JAZF1: variants seen among roughly 807,000 people sequenced by gnomAD.
JAZF1 encodes the protein JAZF zinc finger 1.
A neutral mutation model predicts 26.4 loss-of-function variants in JAZF1; 8 were observed. The ratio of observed to expected loss-of-function variants is 0.30; its 90% CI spans 0.18 to 0.55. JAZF1 has a LOEUF of 0.55. Ranked by LOEUF, JAZF1 falls within the 20% of genes least tolerant of loss-of-function variation. The pLI, the probability that JAZF1 is intolerant of heterozygous loss-of-function variation, is 0.94. For missense variants in JAZF1, 199 were observed against 322.0 expected, an observed-to-expected ratio of 0.62 and a Z score of 2.92; for synonymous variants, 126 against 122.3, an observed-to-expected ratio of 1.03 and a Z score of -0.20.
At chr7:27,919,463 C>T (rs1784494557) in intron 2 of JAZF1, among the ~76,000 whole-genome samples, 1 of 152,110 alleles carries the variant, frequency 6.6e-6, no homozygotes, top group African/African-American at 2.4e-5. Flanking sequence ...CAAAGGTAAA[C>T]GGAAAATGCA....
chr7:28,139,674 C>T (rs1782934048), intron 1 of JAZF1, among the ~76,000 whole-genome samples: 1 of 152,204 alleles, frequency 6.6e-6, no homozygotes, highest in Non-Finnish European at 1.5e-5. Context: ...CCTACTGTAT[C>T]AGCCACTCAG....
intron 3 of JAZF1, among the ~76,000 whole-genome samples, chr7:27,868,124 G>A (rs1783511824): frequency 6.6e-6 from 1 of 152,194 alleles, no homozygotes; most frequent in Non-Finnish European, 1.5e-5. Context: ...ACGGTGCTTG[G>A]ATCAGTGCCT....
At chr7:27,850,981 T>G (rs1783137168) in intron 3 of JAZF1, among the ~76,000 whole-genome samples, 1 of 152,360 alleles carries the variant, frequency 6.6e-6, no homozygotes, top group Admixed American at 6.5e-5. Context: ...TCACTCTTGT[T>G]GCCCAGACTG....
chr7:27,834,273 G>A (rs1014773401), intron 4 of JAZF1, among the ~76,000 whole-genome samples: 1 of 152,194 alleles, frequency 6.6e-6, no homozygotes, highest in Non-Finnish European at 1.5e-5. Flanking sequence ...CGCCTCACTA[G>A]TCTGGAAGAA....
intron 2 of JAZF1, among the ~76,000 whole-genome samples, chr7:27,968,449 G>T (rs1785316239): frequency 6.6e-6 from 1 of 152,164 alleles, no homozygotes; most frequent in African/African-American, 2.4e-5. Flanking sequence ...AAGGGTGTTT[G>T]TGCCTAGGAA....
chr7:27,864,895 A>G (rs1307635646), intron 3 of JAZF1, among the ~76,000 whole-genome samples: 1 of 152,072 alleles, frequency 6.6e-6, no homozygotes, highest in East Asian at 1.9e-4. Flanking sequence ...ACTTGGGGAA[A>G]TTTACTATAA....
At chr7:28,129,727 A>C (rs1274056893) in intron 1 of JAZF1, among the ~76,000 whole-genome samples, 2 of 152,186 alleles carry the variant, frequency 1.3e-5, no homozygotes, top group Admixed American at 6.5e-5. Flanking sequence ...GTTCATTATA[A>C]AAAATTTAAA....
chr7:28,108,013 C>T (rs1156640227), intron 1 of JAZF1, among the ~76,000 whole-genome samples: 1 of 152,166 alleles, frequency 6.6e-6, no homozygotes, highest in Non-Finnish European at 1.5e-5. Flanking sequence ...GCTCCCAGGT[C>T]CCAGAGGCCC....
intron 2 of JAZF1, among the ~76,000 whole-genome samples, chr7:27,952,771 T>C (rs10807843): frequency 0.18 from 28,033 of 152,254 alleles, 3,320 homozygotes; most frequent in East Asian, 0.45. Flanking sequence ...TGCACAGAAA[T>C]GCACTGAAAA....
At chr7:28,147,167 C>T (rs1277605166) in intron 1 of JAZF1, among the ~76,000 whole-genome samples, 1 of 150,146 alleles carries the variant, frequency 6.7e-6, no homozygotes, top group African/African-American at 2.4e-5. Context: ...TTTTTTTTGG[C>T]GTTTGGGATA....
intron 2 of JAZF1, among the ~76,000 whole-genome samples, chr7:27,956,014 C>T (rs935155810): frequency 1.3e-5 from 2 of 152,172 alleles, no homozygotes; most frequent in Admixed American, 6.5e-5. Context: ...TGACTTTCTT[C>T]ACTGAATTAA....
intron 1 of JAZF1, among the ~76,000 whole-genome samples, chr7:27,998,818 T>C (rs1786074937): frequency 6.6e-6 from 1 of 152,200 alleles, no homozygotes; most frequent in South Asian, 2.1e-4. Context: ...TGGACAATGT[T>C]CCATAGCCTA....
At chr7:28,090,688 T>TA (rs1256823899) in intron 1 of JAZF1, among the ~76,000 whole-genome samples, 25 of 152,312 alleles carry the variant, frequency 1.6e-4, no homozygotes, top group African/African-American at 6.0e-4. Flanking sequence ...GGCCATAGGC[T>TA]AGTAATTAGT....
intron 1 of JAZF1, among the ~76,000 whole-genome samples, chr7:28,032,001 C>G (rs1783201832): frequency 6.6e-6 from 1 of 152,190 alleles, no homozygotes; most frequent in South Asian, 2.1e-4. Context: ...TTTCTTCTTT[C>G]TGCGTGTGGG....
chr7:27,967,433 G>T (rs1440844432), intron 2 of JAZF1, among the ~76,000 whole-genome samples: 1 of 152,076 alleles, frequency 6.6e-6, no homozygotes, highest in Non-Finnish European at 1.5e-5. Context: ...AGTGATAAAG[G>T]GAGGGACCCG....
rs1274510315 is a variant in JAZF1, at chr7:27,983,845, AAAGTAAGCTTCAT to A, written c.188+8051_188+8063del. On this transcript the variant is annotated intron_variant, in intron 2 of 4. Coordinates refer to ENST00000283928, the MANE Select transcript of JAZF1 (RefSeq NM_175061.4). ...TCAACCCAGAATTTCATAGCCAGCC[AAAGTAAGCTTCAT>A]AAGTGAAGGAGAAATAAAATCCTTT... Among the ~76,000 whole-genome samples the A allele has an allele frequency of 2.6e-5, 4 of 152,340 alleles. No homozygotes were observed. The East Asian group carries it at 7.7e-4, about 29-fold the overall frequency.
chr7:28,102,324 G>A (rs931186671), intron 1 of JAZF1, among the ~76,000 whole-genome samples: 1 of 152,246 alleles, frequency 6.6e-6, no homozygotes, highest in Non-Finnish European at 1.5e-5. Context: ...GGACTATTGT[G>A]AGAATTAAAA....
chr7:27,988,617 G>A (rs1785814175), intron 2 of JAZF1, among the ~76,000 whole-genome samples: 1 of 152,012 alleles, frequency 6.6e-6, no homozygotes, highest in African/African-American at 2.4e-5. Context: ...TGACATTTGA[G>A]TGGCTATTTC....
rs370240590 is a variant in JAZF1 at position 28,066,361 on chromosome 7, T to A, written c.116-74380A>T. On this transcript the variant is annotated intron_variant, in intron 1 of 4. Transcript: ENST00000283928. ...GCTCACACCTGTAATCCCAGCACTT[T>A]GGGAGGCTGAGGCAGGGGGATCACA... Among the ~76,000 whole-genome samples the A allele has an allele frequency of 1.9e-4, 29 of 152,100 alleles. No homozygotes were observed. In the East Asian group the frequency reaches 4.1e-3, roughly 21 times the overall value.
Sources: allele counts gnomAD v4.1 joint callset (sites outside exome capture counted in the v4.1 genomes callset), GRCh38; gene constraint gnomAD v4.1.1; transcripts MANE v1.5; gene names NCBI Gene and HGNC (gene_info 2026-07-23, HGNC 2026-07-21).